The following PIGH variants were observed in gnomAD, a reference collection of about 807,000 sequenced individuals.
PIGH encodes phosphatidylinositol N-acetylglucosaminyltransferase subunit H.
PIGH carries 11 observed loss-of-function variants against 20.1 expected under a neutral mutation model. The ratio of observed to expected loss-of-function variants is 0.55; its 90% CI spans 0.34 to 0.91. The LOEUF (loss-of-function observed/expected upper bound fraction) is 0.91. Among genes scored for constraint, PIGH ranks in the 40% least tolerant of loss-of-function variants. The pLI is 0.02. For synonymous variants in PIGH, 72 were observed against 93.1 expected (o/e 0.77, Z 1.31); for missense variants, 189 against 233.6 (o/e 0.81, Z 1.24).
intron 1 of PIGH, among the ~76,000 whole-genome samples, chr14:67,597,615 T>A (rs1483573045): frequency 6.6e-6 from 1 of 152,212 alleles, no homozygotes; most frequent in Non-Finnish European, 1.5e-5. Context: ...TTGAGTTAAT[T>A]AATTGCATTG....
intron 1 of PIGH, among the ~76,000 whole-genome samples, chr14:67,595,054 G>A (rs539589436): frequency 1.3e-5 from 2 of 151,530 alleles, no homozygotes; most frequent in South Asian, 2.1e-4. Flanking sequence ...GGAGAATGGC[G>A]TGAACCCAGG....
At chr14:67,597,470 C>G (rs2036495942) in intron 1 of PIGH, among the ~76,000 whole-genome samples, 1 of 151,308 alleles carries the variant, frequency 6.6e-6, no homozygotes, top group South Asian at 2.1e-4. Flanking sequence ...AGAGTGAGAA[C>G]CTGTCTCAAA....
intron 1 of PIGH, among the ~76,000 whole-genome samples, chr14:67,596,055 G>C (rs114692589): frequency 1.3e-5 from 2 of 152,260 alleles, no homozygotes; most frequent in African/African-American, 4.8e-5. Context: ...TAACATTTCT[G>C]AAGTTAAAAT....
Position 67,593,749 on chromosome 14 carries a change from A to C in PIGH, c.384T>G (p.Ile128Met). The stretch of plus-strand genomic sequence containing the variant: ...TTACCTTTTAAATACTTACCATGTA[A>C]ATGGCCTCATTGATGACAATATCCT... Reference protein sequence around the residue: ...KVKDIVINEAIYMQKVIYYLC... With the variant: ...KVKDIVINEAMYMQKVIYYLC... Residue 128 changes from isoleucine to methionine, a missense_variant, in exon 2 of 4, where the codon ATT (isoleucine) becomes ATG (methionine). Ile to Met is a conservative substitution (Grantham distance 10, BLOSUM62 1). Transcript: ENST00000216452. The C allele has an allele frequency of 6.2e-7, 1 of 1,600,540 alleles. No homozygotes were observed. The highest frequency in any genetic ancestry group is 1.3e-5 in the African/African-American group (1 of 74,752).
At chr14:67,592,306 G>A (rs923911416) in intron 3 of PIGH, 3 of 430,402 alleles carry the variant, frequency 7.0e-6, no homozygotes, top group Non-Finnish European at 8.7e-6. Context: ...CAGGCGAGAT[G>A]GTGCACACCT....
At chr14:67,598,855 G>A (rs937899025) in intron 1 of PIGH, among the ~76,000 whole-genome samples, 2 of 151,790 alleles carry the variant, frequency 1.3e-5, no homozygotes, top group Non-Finnish European at 2.9e-5. Context: ...GACTACAAGC[G>A]TGCACCACCA....
intron 2 of PIGH, 45 bp downstream of exon 2, chr14:67,593,698 A>G: frequency 8.7e-7 from 1 of 1,153,764 alleles, no homozygotes; most frequent in Middle Eastern, 2.5e-4. Context: ...TGGGCTGGCT[A>G]CCTCCTCCAG....
chr14:67,595,316 T>C (rs2036453676), intron 1 of PIGH, among the ~76,000 whole-genome samples: 1 of 152,182 alleles, frequency 6.6e-6, no homozygotes, highest in African/African-American at 2.4e-5. Flanking sequence ...CGTTCCTACT[T>C]GAAGTACCGT....
chr14:67,595,580 C>T (rs1204570329), intron 1 of PIGH, among the ~76,000 whole-genome samples: 2 of 152,200 alleles, frequency 1.3e-5, no homozygotes, highest in Non-Finnish European at 1.5e-5. Flanking sequence ...TGGCATGTGA[C>T]ACAACTCTGG....
intron 1 of PIGH, 35 bp downstream of exon 1, chr14:67,599,989 C>T: frequency 6.5e-7 from 1 of 1,526,844 alleles, no homozygotes; most frequent in Non-Finnish European, 8.8e-7. Flanking sequence ...CGAACCCCCT[C>T]CTTCGAGCGC....
In PIGH at chr14:67,592,692, G is replaced by T; in HGVS notation, c.417C>A (p.Ile139=). The T allele has an allele frequency of 1.2e-6, 2 of 1,606,632 alleles. No homozygotes were observed. Among genetic ancestry groups the T allele is most frequent in the South Asian group, 1.1e-5 (1 of 90,728 alleles). The stretch of plus-strand genomic sequence containing the variant: ...GTGGTTCCACTGGATCTTTCAATAA[G>T]ATGCAGAGGTAGTAAATCACCTTCT... ...YMQKVIYYLC[I]LLKDPVEPHG... Residue 139 remains isoleucine, a synonymous_variant, in exon 3 of 4, where the codon ATC becomes ATA. Transcript: ENST00000216452.
At position 67,589,353 on chromosome 14, in the gene PIGH, A is replaced by G; in HGVS notation, c.*727T>C. On this transcript the variant is annotated 3_prime_UTR_variant, in exon 4 of 4. Coordinates refer to ENST00000216452, the MANE Select transcript of PIGH (RefSeq NM_004569.5). Reference sequence around the variant, plus strand: ...TATTCTTTGTTAACATGAGAGTCCCATGTCTGAAAACCAAAGTCCAATTTC... The same window carrying G: ...TATTCTTTGTTAACATGAGAGTCCCGTGTCTGAAAACCAAAGTCCAATTTC... 1.0e-6 allele frequency: 1 copy of G among 983,458 alleles called. No homozygotes were observed. The highest frequency in any genetic ancestry group is 1.2e-6 in the Non-Finnish European group (1 of 828,126). The allele number at this position is 983,458 out of a possible 1,614,324, so 60.9% of individuals were successfully genotyped here.
At chr14:67,593,130 T>G in intron 2 of PIGH, 1 of 166,122 alleles carries the variant, frequency 6.0e-6, no homozygotes, top group Non-Finnish European at 1.3e-5. Flanking sequence ...TTTTCACAAA[T>G]GTTTAAGTAG....
At position 67,589,616 on chromosome 14, in the gene PIGH, T is replaced by G. The variant is rs2036306482; in HGVS notation, c.*464A>C. 1.0e-6 allele frequency: 1 copy of G among 986,012 alleles called. No individual in the cohort carries two copies. Among genetic ancestry groups the G allele is most frequent in the Admixed American group, 6.1e-5 (1 of 16,456 alleles). 61.1% of individuals were successfully genotyped at this position (986,012 alleles called of 1,614,324 possible). ...GAACACAGGCACTAGGTTGACAGAC[T>G]CGTCTTTTGTAGGACATTTCTTCCT... On this transcript the variant is annotated 3_prime_UTR_variant, in exon 4 of 4. Coordinates refer to ENST00000216452, the MANE Select transcript of PIGH (RefSeq NM_004569.5).
intron 3 of PIGH, chr14:67,592,417 G>C: frequency 1.9e-6 from 1 of 513,262 alleles, no homozygotes; most frequent in Non-Finnish European, 3.5e-6. Flanking sequence ...CAGCCTAGGT[G>C]ACAAAGTGAG....
chr14:67,599,392 C>G (rs1566781985), intron 1 of PIGH, among the ~76,000 whole-genome samples: 2 of 152,092 alleles, frequency 1.3e-5, no homozygotes, highest in Non-Finnish European at 2.9e-5. Flanking sequence ...TCAGAGAAAA[C>G]AGGAATGAAT....
At chr14:67,597,383 T>C (rs1435658661) in intron 1 of PIGH, among the ~76,000 whole-genome samples, 1 of 151,698 alleles carries the variant, frequency 6.6e-6, no homozygotes, top group African/African-American at 2.4e-5. Flanking sequence ...GTGGCTGAGA[T>C]AAGAGGATCG....
At chr14:67,595,765 G>GT (rs11403436) in intron 1 of PIGH, among the ~76,000 whole-genome samples, 111,024 of 152,114 alleles carry the variant, frequency 0.73, 41,562 homozygotes, top group Middle Eastern at 0.83. Flanking sequence ...GACGCTAAGG[G>GT]TGGAAGTGCA....
At chr14:67,592,478 C>T (rs2140613216) in intron 3 of PIGH, 157 bp downstream of exon 3, 1 of 578,130 alleles carries the variant, frequency 1.7e-6, no homozygotes, top group South Asian at 2.3e-5. Context: ...TTAAGGAATA[C>T]ATTTGCCTCA....
Sources: allele counts gnomAD v4.1 joint callset (sites outside exome capture counted in the v4.1 genomes callset), GRCh38; gene constraint gnomAD v4.1.1; transcripts MANE v1.5; gene names NCBI Gene and HGNC (gene_info 2026-07-23, HGNC 2026-07-21).